The following CDH13 variants were observed in gnomAD, a reference collection of about 807,000 sequenced individuals.
CDH13 encodes cadherin 13.
In CDH13, 24 loss-of-function variants were observed where a neutral mutation model predicts 63.8. The ratio of observed to expected loss-of-function variants is 0.38; its 90% CI spans 0.27 to 0.53. CDH13 has a LOEUF of 0.53. Ranked by LOEUF, CDH13 falls within the 20% of genes least tolerant of loss-of-function variation. The probability of loss-of-function intolerance (pLI) is 0.85; values close to 1 mark genes in which losing one functional copy is unlikely to be tolerated. For missense variants in CDH13, 1,049 were observed against 903.1 expected, an observed-to-expected ratio of 1.16 and a Z score of -2.07; for synonymous variants, 503 against 355.3, an observed-to-expected ratio of 1.42 and a Z score of -4.67.
intron 1 of CDH13, among the ~76,000 whole-genome samples, chr16:82,749,902 A>G (rs1436700475): frequency 6.6e-6 from 1 of 152,166 alleles, no homozygotes; most frequent in Non-Finnish European, 1.5e-5. Context: ...ACTGAATGAA[A>G]GAAAAAAATG....
At chr16:83,652,382 TGGA>T (rs1912464276) in intron 8 of CDH13, among the ~76,000 whole-genome samples, 1 of 152,200 alleles carries the variant, frequency 6.6e-6, no homozygotes, top group African/African-American at 2.4e-5. Flanking sequence ...CCTACAGCTC[TGGA>T]GATTAGACAT....
At chr16:83,457,142 G>A (rs12149631) in intron 6 of CDH13, among the ~76,000 whole-genome samples, 33,755 of 152,070 alleles carry the variant, frequency 0.22, 4,430 homozygotes, top group Non-Finnish European at 0.29. Context: ...GCTCTGCCAC[G>A]TCCCTGGTAT....
chr16:82,944,127 G>C (rs886936587), intron 2 of CDH13, among the ~76,000 whole-genome samples: 1 of 152,172 alleles, frequency 6.6e-6, no homozygotes, highest in Non-Finnish European at 1.5e-5. Flanking sequence ...TGTCATTAGA[G>C]ATCAGGAGAA....
chr16:83,271,658 C>T (rs948045951), intron 5 of CDH13, among the ~76,000 whole-genome samples: 5 of 151,856 alleles, frequency 3.3e-5, no homozygotes, highest in Non-Finnish European at 5.9e-5. Context: ...ATTCACAATA[C>T]TCAAGGGGAA....
chr16:82,875,580 A>G (rs1475099318), intron 2 of CDH13, among the ~76,000 whole-genome samples: 1 of 152,196 alleles, frequency 6.6e-6, no homozygotes, highest in Non-Finnish European at 1.5e-5. Flanking sequence ...GTTTTGTTTT[A>G]ATGTGTCACA....
chr16:83,443,798 G>C (rs932803859), intron 6 of CDH13, among the ~76,000 whole-genome samples: 1 of 141,198 alleles, frequency 7.1e-6, no homozygotes, highest in African/African-American at 2.6e-5. Context: ...AGCCAGGCTT[G>C]GTGGCATGTG....
intron 8 of CDH13, among the ~76,000 whole-genome samples, chr16:83,607,727 T>A (rs1908475499): frequency 6.6e-6 from 1 of 152,246 alleles, no homozygotes; most frequent in South Asian, 2.1e-4. Flanking sequence ...GAGAGTTTTC[T>A]ATAAGTTTTC....
intron 1 of CDH13, among the ~76,000 whole-genome samples, chr16:82,677,875 G>C (rs1347848198): frequency 6.6e-6 from 1 of 152,130 alleles, no homozygotes; most frequent in Non-Finnish European, 1.5e-5. Flanking sequence ...TAATCCAAGT[G>C]AATTTGGCTT....
chr16:82,740,694 C>A (rs1320285776), intron 1 of CDH13, among the ~76,000 whole-genome samples: 1 of 152,150 alleles, frequency 6.6e-6, no homozygotes, highest in African/African-American at 2.4e-5. Flanking sequence ...CTGATGGAGA[C>A]TGAAAGTTTC....
intron 3 of CDH13, among the ~76,000 whole-genome samples, chr16:83,042,788 C>G (rs1023638200): frequency 1.3e-5 from 2 of 152,154 alleles, no homozygotes; most frequent in Non-Finnish European, 2.9e-5. Flanking sequence ...AATCTGTTGA[C>G]TTGGGTGATT....
intron 6 of CDH13, among the ~76,000 whole-genome samples, chr16:83,453,791 C>A (rs887861820): frequency 5.3e-5 from 8 of 152,242 alleles, no homozygotes; most frequent in Admixed American, 1.3e-4. Flanking sequence ...TGGGACTCTG[C>A]AGATCACTTA....
At chr16:83,250,151 A>G (rs1049818030) in intron 5 of CDH13, among the ~76,000 whole-genome samples, 3 of 152,182 alleles carry the variant, frequency 2.0e-5, no homozygotes, top group Non-Finnish European at 4.4e-5. Context: ...AAATAAAACA[A>G]TTTTGGTCTA....
intron 2 of CDH13, chr16:82,884,264 G>C (rs1219369714): frequency 2.2e-6 from 1 of 452,094 alleles, no homozygotes; most frequent in African/African-American, 2.0e-5. Flanking sequence ...GAAATCTGCA[G>C]GTATAAGATG....
intron 5 of CDH13, among the ~76,000 whole-genome samples, chr16:83,279,097 T>C (rs2089082210): frequency 6.6e-6 from 1 of 152,194 alleles, no homozygotes; most frequent in Non-Finnish European, 1.5e-5. Context: ...TTAACTTTTT[T>C]TTTTTTCATT....
At chr16:83,566,427 A>C (rs1904281015) in intron 7 of CDH13, among the ~76,000 whole-genome samples, 1 of 152,146 alleles carries the variant, frequency 6.6e-6, no homozygotes, top group Non-Finnish European at 1.5e-5. Flanking sequence ...AAGTTGCTAA[A>C]TGACTGTGGG....
chr16:83,225,673 A>G (rs1460022749), intron 5 of CDH13, among the ~76,000 whole-genome samples: 1 of 152,172 alleles, frequency 6.6e-6, no homozygotes, highest in Non-Finnish European at 1.5e-5. Flanking sequence ...CCTTAGAATC[A>G]TCTGGGGAGC....
At position 83,498,245 on chromosome 16, in the gene CDH13, C is replaced by T. The variant is rs570219796; in HGVS notation, c.960+11590C>T. 4.6e-5 allele frequency among the ~76,000 whole-genome samples: 7 copies of T among 152,234 alleles called. No individual in the cohort carries two copies. The South Asian group carries it at 1.5e-3, about 32-fold the overall frequency. ...TGAGGGGCACTCCCTGGAGCTGAGT[C>T]TTGGAGCCAGATGGACTTGTTCACA... is the stretch of plus-strand genomic sequence containing the variant. On this transcript the variant is annotated intron_variant, in intron 7 of 13. Coordinates refer to ENST00000567109, the MANE Select transcript of CDH13 (RefSeq NM_001257.5).
chr16:82,848,969 A>G (rs2039374770), intron 1 of CDH13, among the ~76,000 whole-genome samples: 1 of 152,220 alleles, frequency 6.6e-6, no homozygotes, highest in African/African-American at 2.4e-5. Context: ...TCCACTGAAC[A>G]TATGAATGAT....
At chr16:82,837,456 C>G (rs199544693) in intron 1 of CDH13, among the ~76,000 whole-genome samples, 1 of 149,510 alleles carries the variant, frequency 6.7e-6, no homozygotes, top group Non-Finnish European at 1.5e-5. Flanking sequence ...GTCCTAGAGT[C>G]CCCAAGGCCA....
Sources: allele counts gnomAD v4.1 joint callset (sites outside exome capture counted in the v4.1 genomes callset), GRCh38; gene constraint gnomAD v4.1.1; transcripts MANE v1.5; gene names NCBI Gene and HGNC (gene_info 2026-07-23, HGNC 2026-07-21).